Variants in TTLL3 observed in about 807,000 individuals in gnomAD.
TTLL3 encodes tubulin tyrosine ligase like 3, also known as tubulin monoglycylase TTLL3.
A neutral mutation model predicts 75.2 loss-of-function variants in TTLL3; 63 were observed. That is an observed-to-expected ratio of 0.84 (90% CI 0.68 to 1.03). TTLL3 has a LOEUF of 1.03. TTLL3 is among the 50% of genes least tolerant of loss of function. TTLL3 has a pLI of 0.00. For synonymous variants in TTLL3, 393 were observed against 418.5 expected, an observed-to-expected ratio of 0.94 and a Z score of 0.74; for missense variants, 997 against 1,069.9, an observed-to-expected ratio of 0.93 and a Z score of 0.95.
intron 7 of TTLL3, 84 bp from the exon 8 acceptor site, chr3:9,820,462 A>G: frequency 6.4e-7 from 1 of 1,569,922 alleles, no homozygotes; most frequent in Non-Finnish European, 8.6e-7. Flanking sequence ...GGTAAGTGAC[A>G]GGCCTTAGGA....
Position 9,827,035 on chromosome 3 carries a change from C to A in TTLL3, c.1042C>A (p.Leu348Met), listed in dbSNP as rs1674061189. The A allele has an allele frequency of 6.2e-7, 1 of 1,614,054 alleles. No individual in the cohort carries two copies. The highest frequency in any genetic ancestry group is 1.1e-5 in the South Asian group (1 of 91,086). ...CMDHLEEMLK[L>M]VNGNPVVMKD... is the part of the protein sequence containing the mutation. The stretch of plus-strand genomic sequence containing the variant: ...GGACCACCTGGAGGAGATGCTGAAG[C>A]TGGTGAACGGCAACCCCGTGGTGAT... The change falls in exon 10 of 14, where the codon CTG becomes ATG. Residue 348 changes from leucine to methionine, a missense_variant. Transcript: ENST00000685419.
At chr3:9,830,122 C>T (rs940596349) in intron 11 of TTLL3, among the ~76,000 whole-genome samples, 2 of 152,138 alleles carry the variant, frequency 1.3e-5, no homozygotes, top group African/African-American at 4.8e-5. Context: ...GGATTACAGG[C>T]AGAAGCCACC....
At chr3:9,826,857 G>T in intron 9 of TTLL3, 140 bp from the exon 10 acceptor site, 2 of 1,444,336 alleles carry the variant, frequency 1.4e-6, no homozygotes, top group Non-Finnish European at 9.2e-7. Context: ...TTTCCCAAAG[G>T]GAACTGGGTT....
intron 11 of TTLL3, among the ~76,000 whole-genome samples, chr3:9,830,091 C>T (rs2081383223): frequency 6.6e-6 from 1 of 152,184 alleles, no homozygotes; most frequent in African/African-American, 2.4e-5. Context: ...GATCCGCCCA[C>T]CTCGGCCTCC....
At position 9,825,887 on chromosome 3, in the gene TTLL3, A is replaced by T; in HGVS notation, c.942A>T (p.Ile314=). The T allele has an allele frequency of 1.2e-6, 2 of 1,614,156 alleles. No individual in the cohort carries two copies. The highest frequency in any genetic ancestry group is 1.7e-6 in the Non-Finnish European group (2 of 1,180,016). The change falls in exon 9 of 14, where the codon ATA becomes ATT. Residue 314 remains isoleucine, a synonymous_variant. Transcript: ENST00000685419. The part of the protein sequence containing the change: ...LQQLQAVVPQ[I]DMEGDRNIWI... Reference sequence around the variant, plus strand: ...AGCTGCAGGCCGTGGTACCCCAGATAGACATGGAAGGGGATCGCAACATCT... The same window carrying T: ...AGCTGCAGGCCGTGGTACCCCAGATTGACATGGAAGGGGATCGCAACATCT...
chr3:9,817,830 GGAGA>G, intron 6 of TTLL3, 71 bp downstream of exon 6: 1 of 1,596,280 alleles, frequency 6.3e-7, no homozygotes, highest in South Asian at 1.1e-5. Context: ...GGCTCATATT[GGAGA>G]GAAACAGGCC....
At chr3:9,826,034 A>C (rs540035724) in intron 9 of TTLL3, 86 bp downstream of exon 9, 6 of 1,526,338 alleles carry the variant, frequency 3.9e-6, no homozygotes, top group Non-Finnish European at 4.4e-6. Context: ...GTGCAGGTCT[A>C]TTGAAGCCAA....
At chr3:9,819,141 A>C (rs1575376897) in intron 7 of TTLL3, 1 of 578,452 alleles carries the variant, frequency 1.7e-6, no homozygotes, top group South Asian at 2.2e-5. Context: ...CGATTCACCC[A>C]CCCACCCTTC....
At chr3:9,823,320 C>T (rs1289108524) in intron 8 of TTLL3, among the ~76,000 whole-genome samples, 2 of 151,236 alleles carry the variant, frequency 1.3e-5, no homozygotes, top group Non-Finnish European at 2.9e-5. Context: ...GAAGGCGGAG[C>T]TTGCAGTGAG....
intron 8 of TTLL3, among the ~76,000 whole-genome samples, chr3:9,823,010 C>T (rs1421599630): frequency 6.6e-6 from 1 of 151,314 alleles, no homozygotes; most frequent in Non-Finnish European, 1.5e-5. Context: ...CTTTGGGAGG[C>T]CAAGGCTGGC....
intron 7 of TTLL3, chr3:9,819,179 C>A: frequency 1.9e-6 from 1 of 525,202 alleles, no homozygotes; most frequent in Admixed American, 3.3e-5. Flanking sequence ...TCCCACCTGT[C>A]ACCCATTGTT....
chr3:9,825,652 C>G, intron 8 of TTLL3, 148 bp from the exon 9 acceptor site: 1 of 1,449,932 alleles, frequency 6.9e-7, no homozygotes, highest in East Asian at 2.5e-5. Flanking sequence ...GGGCCGGAGG[C>G]TTGGGAGGGA....
chr3:9,824,652 G>A lies in TTLL3; in HGVS notation c.855-1148G>A, dbSNP rs187704658. On this transcript the variant is annotated intron_variant, in intron 8 of 13. Coordinates refer to ENST00000685419, the MANE Select transcript of TTLL3 (RefSeq NM_001387446.1). Reference sequence around the variant, plus strand: ...TCTCAATCTCTTAACCTTGTGATCCGCCCACCTTGCCCTCCCAAAGTGCTG... The same window carrying A: ...TCTCAATCTCTTAACCTTGTGATCCACCCACCTTGCCCTCCCAAAGTGCTG... 7.8e-3 allele frequency among the ~76,000 whole-genome samples: 1,181 copies of A among 151,426 alleles called. 13 individuals carry two copies. Among genetic ancestry groups the A allele is most frequent in the African/African-American group, 0.027 (1,106 of 41,196 alleles).
rs1468628231 is a variant in TTLL3 at position 9,834,894 on chromosome 3, T to G, written c.2039T>G (p.Leu680Arg). The G allele has an allele frequency of 3.1e-6, 5 of 1,614,212 alleles. No homozygotes were observed. The highest frequency in any genetic ancestry group is 4.2e-6 in the Non-Finnish European group (5 of 1,180,042). Reference sequence around the variant, plus strand: ...GATTTCAAGGTGGCACCCAGCATCCTGAAGCCAAGAAAGGTGGGCCTCGAC... The same window carrying G: ...GATTTCAAGGTGGCACCCAGCATCCGGAAGCCAAGAAAGGTGGGCCTCGAC... Reference protein sequence around the residue: ...NLDFKVAPSILKPRKAPALLC... With the variant: ...NLDFKVAPSIRKPRKAPALLC... The change falls in exon 13 of 14, where the codon CTG becomes CGG. Residue 680 changes from leucine to arginine, a missense_variant. Leu to Arg is a moderately radical substitution (Grantham distance 102). Transcript: ENST00000685419.
chr3:9,831,615 C>T (rs1276835042), intron 11 of TTLL3, among the ~76,000 whole-genome samples: 1 of 152,120 alleles, frequency 6.6e-6, no homozygotes, highest in Admixed American at 6.5e-5. Flanking sequence ...TCCTGTCATC[C>T]TTTCATCTAA....
At chr3:9,833,021 C>G in intron 11 of TTLL3, 83 bp from the exon 12 acceptor site, 1 of 1,536,506 alleles carries the variant, frequency 6.5e-7, no homozygotes, top group Non-Finnish European at 8.9e-7. Context: ...AGTAATTCCA[C>G]CCATCTCTAC....
chr3:9,833,136 C>G lies in TTLL3; in HGVS notation c.1716C>G (p.Ile572Met), dbSNP rs1386612282. The stretch of plus-strand genomic sequence containing the variant: ...TGGAGGTGCCTCAATATGTGGGCAT[C>G]CGGCTCCTGGTAGAGGGCTTCACCA... ...PAVEVPQYVG[I>M]RLLVEGFTIK... Residue 572 changes from isoleucine (I) to methionine (M), a missense_variant, in exon 12 of 14, where the codon ATC becomes ATG. By Grantham distance (10) the Ile-to-Met change is conservative. Transcript: ENST00000685419. The G allele has an allele frequency of 6.2e-7, 1 of 1,614,200 alleles. No individual in the cohort carries two copies. The highest frequency in any genetic ancestry group is 1.3e-5 in the African/African-American group (1 of 75,058).
At chr3:9,818,699 T>C in intron 6 of TTLL3, 123 bp from the exon 7 acceptor site, 2 of 1,562,066 alleles carry the variant, frequency 1.3e-6, no homozygotes, top group African/African-American at 1.4e-5. Context: ...ACTCAGGCTC[T>C]AGAGTCAGAA....
chr3:9,820,288 T>A, intron 7 of TTLL3: 1 of 1,315,868 alleles, frequency 7.6e-7, no homozygotes, highest in Non-Finnish European at 9.7e-7. Context: ...ATAGGTGCTG[T>A]CAGAGGCCTT....
Sources: gnomAD v4.1 joint callset for allele counts (sites outside exome capture counted in the v4.1 genomes callset) on GRCh38, gnomAD v4.1.1 for gene constraint, MANE v1.5 for transcripts, NCBI Gene and HGNC (gene_info 2026-07-23, HGNC 2026-07-21) for gene names.